The following LPGAT1 variants were observed in gnomAD, a reference collection of about 807,000 sequenced individuals.
The protein encoded by LPGAT1 is lysophosphatidylglycerol acyltransferase 1.
Under a neutral mutation model 47.5 loss-of-function variants are expected in LPGAT1, and 11 were observed. That is an observed-to-expected ratio of 0.23 (90% CI 0.15 to 0.38). The LOEUF (loss-of-function observed/expected upper bound fraction) is 0.38. Ranked by LOEUF, LPGAT1 falls within the 10% of genes least tolerant of loss-of-function variation. LPGAT1 has a pLI of 1.00. For missense variants in LPGAT1, 293 were observed against 439.0 expected (o/e 0.67, Z 2.97); for synonymous variants, 138 against 144.2 (o/e 0.96, Z 0.31).
intron 5 of LPGAT1, among the ~76,000 whole-genome samples, chr1:211,781,654 A>C (rs1658648746): frequency 6.6e-6 from 1 of 152,218 alleles, no homozygotes; most frequent in African/African-American, 2.4e-5. Context: ...ACTTAAAAAC[A>C]CATTGTTTCT....
chr1:211,805,550 CA>C lies in LPGAT1; in HGVS notation c.239-12361del, dbSNP rs375867830. ...ACTACTTTAGAAACTATAAATTTGACAACTTAGGTGAAATGGACCAATTCCT... is the reference window on the plus strand; with the variant it reads ...ACTACTTTAGAAACTATAAATTTGACACTTAGGTGAAATGGACCAATTCCT... On this transcript the variant is annotated intron_variant, in intron 2 of 7. Transcript: ENST00000366997. Among the ~76,000 whole-genome samples the C allele has an allele frequency of 1.7e-4, 26 of 152,238 alleles. No individual in the cohort carries two copies. The South Asian group carries it at 5.2e-3, about 30-fold the overall frequency.
chr1:211,760,493 T>C (rs1657651913), intron 6 of LPGAT1, among the ~76,000 whole-genome samples: 1 of 151,986 alleles, frequency 6.6e-6, no homozygotes, highest in Admixed American at 6.6e-5. Context: ...ATATATTGTG[T>C]TTTCATTTCA....
intron 2 of LPGAT1, among the ~76,000 whole-genome samples, chr1:211,828,699 T>C (rs548874713): frequency 6.6e-6 from 1 of 152,338 alleles, no homozygotes; most frequent in Admixed American, 6.5e-5. Flanking sequence ...TTTCCAATGT[T>C]TATGGGCATC....
intron 2 of LPGAT1, among the ~76,000 whole-genome samples, chr1:211,814,085 T>C (rs1660090399): frequency 6.6e-6 from 1 of 152,182 alleles, no homozygotes. Flanking sequence ...ATTTAAAAGC[T>C]TTTAAAGGAT....
chr1:211,820,842 T>A (rs1660345488), intron 2 of LPGAT1, among the ~76,000 whole-genome samples: 1 of 152,020 alleles, frequency 6.6e-6, no homozygotes, highest in African/African-American at 2.4e-5. Flanking sequence ...ATCTAAATAT[T>A]AAAAAGGCAC....
intron 5 of LPGAT1, among the ~76,000 whole-genome samples, 173 bp downstream of exon 5, chr1:211,783,056 A>G (rs1658706705): frequency 6.6e-6 from 1 of 152,230 alleles, no homozygotes; most frequent in Non-Finnish European, 1.5e-5. Flanking sequence ...GTAAATTATT[A>G]TAAGCATGGA....
At chr1:211,764,539 G>C (rs564243442) in intron 6 of LPGAT1, among the ~76,000 whole-genome samples, 1 of 152,110 alleles carries the variant, frequency 6.6e-6, no homozygotes, top group Non-Finnish European at 1.5e-5. Context: ...CAAATTTAAC[G>C]TATCAGAATA....
At chr1:211,820,266 T>C (rs2102601923) in intron 2 of LPGAT1, among the ~76,000 whole-genome samples, 1 of 152,000 alleles carries the variant, frequency 6.6e-6, no homozygotes, top group African/African-American at 2.4e-5. Context: ...AAAATCCAAT[T>C]CATTAAGTCA....
intron 2 of LPGAT1, among the ~76,000 whole-genome samples, chr1:211,819,374 C>A (rs1047239597): frequency 1.3e-5 from 2 of 152,010 alleles, no homozygotes; most frequent in Non-Finnish European, 2.9e-5. Flanking sequence ...ACATGCCTGT[C>A]GTCTTAGCTA....
At chr1:211,819,650 C>T (rs1051021675) in intron 2 of LPGAT1, among the ~76,000 whole-genome samples, 45 of 152,114 alleles carry the variant, frequency 3.0e-4, no homozygotes, top group Non-Finnish European at 4.4e-5. Flanking sequence ...GAGGGCCTGA[C>T]AGTGGCAGAT....
intron 6 of LPGAT1, among the ~76,000 whole-genome samples, chr1:211,777,119 A>G (rs1658435893): frequency 6.6e-6 from 1 of 152,154 alleles, no homozygotes; most frequent in African/African-American, 2.4e-5. Context: ...TTCTTTCCCT[A>G]CGCCCCTTGG....
At chr1:211,796,935 C>T (rs1337279478) in intron 2 of LPGAT1, among the ~76,000 whole-genome samples, 1 of 151,994 alleles carries the variant, frequency 6.6e-6, no homozygotes, top group Non-Finnish European at 1.5e-5. Context: ...GTCAATTTAC[C>T]AAGACTCACA....
intron 6 of LPGAT1, among the ~76,000 whole-genome samples, chr1:211,752,733 TC>T (rs1657255698): frequency 6.6e-6 from 1 of 152,216 alleles, no homozygotes; most frequent in African/African-American, 2.4e-5. Flanking sequence ...TTGTTAAGCT[TC>T]CCTAAACCTT....
intron 6 of LPGAT1, among the ~76,000 whole-genome samples, chr1:211,755,013 C>T (rs1333519438): frequency 3.0e-5 from 4 of 131,670 alleles, no homozygotes; most frequent in South Asian, 2.4e-4. Context: ...GACTCAGTCT[C>T]GAAGCGACAG....
intron 2 of LPGAT1, among the ~76,000 whole-genome samples, chr1:211,800,193 ATT>A (rs376366429): frequency 1.3e-4 from 19 of 141,846 alleles, no homozygotes; most frequent in Admixed American, 2.8e-4. Context: ...TGTCCAGCTA[ATT>A]TTTTTTTTTT....
At chr1:211,825,930 G>T (rs991458622) in intron 2 of LPGAT1, among the ~76,000 whole-genome samples, 2 of 151,948 alleles carry the variant, frequency 1.3e-5, no homozygotes, top group Non-Finnish European at 1.5e-5. Context: ...ATTGCACTCT[G>T]GCCTGGGCAA....
At chr1:211,825,971 G>A (rs1660533911) in intron 2 of LPGAT1, among the ~76,000 whole-genome samples, 1 of 151,592 alleles carries the variant, frequency 6.6e-6, no homozygotes, top group African/African-American at 2.4e-5. Context: ...AAAAAAAAAA[G>A]GAAAATGTGA....
chr1:211,815,211 C>T (rs149720650), intron 2 of LPGAT1, among the ~76,000 whole-genome samples: 3 of 152,336 alleles, frequency 2.0e-5, no homozygotes, highest in Admixed American at 1.3e-4. Flanking sequence ...CACAGCTCCA[C>T]TTGGATGTTT....
At chr1:211,817,224 A>G (rs1660204460) in intron 2 of LPGAT1, among the ~76,000 whole-genome samples, 1 of 152,188 alleles carries the variant, frequency 6.6e-6, no homozygotes, top group African/African-American at 2.4e-5. Context: ...TTTTCAAAAA[A>G]CTTGTCACAA....
Sources: allele counts gnomAD v4.1 joint callset (sites outside exome capture counted in the v4.1 genomes callset), GRCh38; gene constraint gnomAD v4.1.1; transcripts MANE v1.5; gene names NCBI Gene and HGNC (gene_info 2026-07-23, HGNC 2026-07-21).